DRC9: variants seen among roughly 807,000 people sequenced by gnomAD.
DRC9 encodes dynein regulatory complex protein 9.
the DRC9 span, chr3:197,914,165 T>C: frequency 1.3e-6 from 1 of 796,606 alleles, no homozygotes; most frequent in African/African-American, 1.7e-5. Context: ...ATTTTTCCGC[T>C]GTCACACAAT....
chr3:197,926,125 T>C, the DRC9 span: 1 of 1,395,280 alleles, frequency 7.2e-7, no homozygotes, highest in Non-Finnish European at 1.0e-6. Flanking sequence ...ATAAGAATGA[T>C]TTGTGTTTAG....
the DRC9 span, among the ~76,000 whole-genome samples, chr3:197,935,198 T>C: frequency 1.1e-4 from 17 of 152,260 alleles, no homozygotes; most frequent in Admixed American, 9.8e-4. Flanking sequence ...CCCAGCACTT[T>C]GGGAGACTGA....
the DRC9 span, chr3:197,951,600 A>G: frequency 2.5e-6 from 1 of 397,976 alleles, no homozygotes; most frequent in Non-Finnish European, 4.7e-6. Flanking sequence ...TGATCCGCCC[A>G]CCTCGGCCTC....
chr3:197,937,035 G>A, the DRC9 span, among the ~76,000 whole-genome samples: 1 of 152,168 alleles, frequency 6.6e-6, no homozygotes, highest in East Asian at 1.9e-4. Flanking sequence ...CTTTGGCAAC[G>A]ACTCAACTCT....
the DRC9 span, chr3:197,950,726 C>T: frequency 1.7e-6 from 1 of 588,024 alleles, no homozygotes; most frequent in Non-Finnish European, 3.0e-6. Context: ...TGTCTTCATT[C>T]TGAAGTTTGC....
the DRC9 span, chr3:197,959,926 G>T: frequency 2.1e-6 from 1 of 473,136 alleles, no homozygotes. Flanking sequence ...GTAGGTGCAT[G>T]TCACTTTGGT....
chr3:197,933,368 A>C, the DRC9 span, among the ~76,000 whole-genome samples: 10 of 151,958 alleles, frequency 6.6e-5, no homozygotes, highest in African/African-American at 2.4e-4. Flanking sequence ...TTGAATCCAG[A>C]AGGCAGAGGT....
chr3:197,934,839 G>T, the DRC9 span, among the ~76,000 whole-genome samples: 1 of 142,010 alleles, frequency 7.0e-6, no homozygotes, highest in East Asian at 2.1e-4. Flanking sequence ...AAAAAAAAAG[G>T]CTGGTCATGG....
chr3:197,908,028 G>A, the DRC9 span, among the ~76,000 whole-genome samples: 4 of 144,532 alleles, frequency 2.8e-5, no homozygotes, highest in Non-Finnish European at 6.0e-5. Context: ...GGTGGTGACT[G>A]TACCAGGTGT....
the DRC9 span, among the ~76,000 whole-genome samples, chr3:197,933,333 C>T: frequency 2.6e-5 from 4 of 151,328 alleles, no homozygotes; most frequent in Admixed American, 2.0e-4. Context: ...CCCAGCTACT[C>T]GGGAGGCTGA....
At chr3:197,927,328 G>C in the DRC9 span, among the ~76,000 whole-genome samples, 4 of 152,200 alleles carry the variant, frequency 2.6e-5, no homozygotes, top group African/African-American at 9.7e-5. Flanking sequence ...CCGGGTTCAA[G>C]CAATTCTTCT....
At chr3:197,906,254 G>C in the DRC9 span, 1 of 152,278 alleles carries the variant, frequency 6.6e-6, no homozygotes, top group Non-Finnish European at 1.5e-5. Flanking sequence ...GGCCGCACTT[G>C]TCCACCCACA....
At chr3:197,923,745 C>CA in the DRC9 span, among the ~76,000 whole-genome samples, 56 of 151,964 alleles carry the variant, frequency 3.7e-4, no homozygotes, top group African/African-American at 1.3e-3. Flanking sequence ...CAAAACAAAA[C>CA]AAAAAACAGT....
the DRC9 span, among the ~76,000 whole-genome samples, chr3:197,892,256 G>C: frequency 6.6e-6 from 1 of 152,172 alleles, no homozygotes; most frequent in Non-Finnish European, 1.5e-5. Flanking sequence ...ATAATCACAA[G>C]CTTGTTAGAA....
the DRC9 span, among the ~76,000 whole-genome samples, chr3:197,931,178 T>A: frequency 1.3e-5 from 2 of 151,538 alleles, no homozygotes; most frequent in Non-Finnish European, 2.9e-5. Context: ...CATTACAGGA[T>A]CAACATCCAA....
At chr3:197,954,173 A>C in the DRC9 span, 1 of 1,613,338 alleles carries the variant, frequency 6.2e-7, no homozygotes, top group African/African-American at 1.3e-5. Context: ...AGCAAAATGG[A>C]CGTCTGATGA....
the DRC9 span, among the ~76,000 whole-genome samples, chr3:197,901,273 C>T: frequency 1.3e-5 from 2 of 152,146 alleles, no homozygotes; most frequent in African/African-American, 4.8e-5. The surrounding 1 kb of genome is among the most constrained non-coding windows in gnomAD (Gnocchi z 4.4). Context: ...AAGTAGCTGG[C>T]ATTACAGGCA....
At chr3:197,943,004 C>T in the DRC9 span, among the ~76,000 whole-genome samples, 1 of 152,096 alleles carries the variant, frequency 6.6e-6, no homozygotes, top group African/African-American at 2.4e-5. Flanking sequence ...TACCTACAAC[C>T]TAAGTTACTG....
chr3:197,946,840 G>T, the DRC9 span, among the ~76,000 whole-genome samples: 2 of 151,092 alleles, frequency 1.3e-5, no homozygotes, highest in African/African-American at 2.4e-5. Context: ...CTTTTTTTTT[G>T]AGATGGAGTT....
Sources: allele counts gnomAD v4.1 joint callset (sites outside exome capture counted in the v4.1 genomes callset), GRCh38; gene constraint gnomAD v4.1.1; non-coding constraint Gnocchi (gnomAD v3.1); transcripts MANE v1.5; gene names NCBI Gene and HGNC (gene_info 2026-07-23, HGNC 2026-07-21).